The following SNX14 variants were observed in gnomAD, a reference collection of about 807,000 sequenced individuals.
SNX14 encodes the protein sorting nexin 14, also known as sorting nexin-14.
SNX14 carries 93 observed loss-of-function variants against 133.8 expected under a neutral mutation model. The ratio of observed to expected loss-of-function variants is 0.70; its 90% CI spans 0.59 to 0.83. SNX14 has a LOEUF of 0.83. SNX14 is among the 40% of genes least tolerant of loss of function. The pLI, the probability that SNX14 is intolerant of heterozygous loss-of-function variation, is 0.00. For synonymous variants in SNX14, 368 were observed against 365.6 expected (o/e 1.01, Z -0.07); for missense variants, 945 against 1,094.9 (o/e 0.86, Z 1.93).
Position 85,593,564 on chromosome 6 carries a change from G to T in SNX14, c.140+15C>A. 6.2e-7 allele frequency: 1 copy of T among 1,602,372 alleles called. No homozygotes were observed. Among genetic ancestry groups the T allele is most frequent in the Non-Finnish European group, 8.5e-7 (1 of 1,174,950 alleles). ...GGAGAAAAGCCGCCGCCCAGGCTCCGCGCTGCGGCGTTACCTGTTAAGAAG... is the reference window on the plus strand; with the variant it reads ...GGAGAAAAGCCGCCGCCCAGGCTCCTCGCTGCGGCGTTACCTGTTAAGAAG... On this transcript the variant is annotated intron_variant, in intron 1 of 28. Coordinates refer to ENST00000314673, the MANE Select transcript of SNX14 (RefSeq NM_153816.6).
At chr6:85,555,918 G>C (rs1789590244) in intron 7 of SNX14, among the ~76,000 whole-genome samples, 1 of 152,004 alleles carries the variant, frequency 6.6e-6, no homozygotes, top group Admixed American at 6.6e-5. Context: ...AACCTGGGAA[G>C]TGGAGGTTGC....
At chr6:85,537,866 T>A (rs1285897584) in intron 16 of SNX14, among the ~76,000 whole-genome samples, 3 of 152,132 alleles carry the variant, frequency 2.0e-5, no homozygotes, top group Non-Finnish European at 4.4e-5. Context: ...GAAGAATCAC[T>A]TGGACCCGCA....
At chr6:85,580,326 A>G (rs997172102) in intron 1 of SNX14, among the ~76,000 whole-genome samples, 3 of 152,176 alleles carry the variant, frequency 2.0e-5, no homozygotes, top group African/African-American at 7.2e-5. Context: ...GGACTGAATA[A>G]AACAGCAGCA....
At chr6:85,541,916 A>T in intron 15 of SNX14, 69 bp downstream of exon 15, 1 of 1,165,686 alleles carries the variant, frequency 8.6e-7, no homozygotes, top group Non-Finnish European at 1.2e-6. Flanking sequence ...AAAAATAGCT[A>T]ATAAAGACAA....
At position 85,513,500 on chromosome 6, in the gene SNX14, G is replaced by A. The variant is rs78870361; in HGVS notation, c.2653+300C>T. 1.2e-4 allele frequency among the ~76,000 whole-genome samples: 19 copies of A among 152,276 alleles called. No individual in the cohort carries two copies. The East Asian group carries it at 2.1e-3, about 17-fold the overall frequency. On this transcript the variant is annotated intron_variant, in intron 26 of 28. Coordinates refer to ENST00000314673, the MANE Select transcript of SNX14 (RefSeq NM_153816.6). ...ACTAGTGAGCTATTCTTATGGTGTCGTGGACACAGGCCTTCAATTGTCCCA... is the reference window on the plus strand; with the variant it reads ...ACTAGTGAGCTATTCTTATGGTGTCATGGACACAGGCCTTCAATTGTCCCA...
At chr6:85,509,585 C>T (rs757367410) in intron 26 of SNX14, among the ~76,000 whole-genome samples, 2 of 152,124 alleles carry the variant, frequency 1.3e-5, no homozygotes, top group African/African-American at 4.8e-5. Context: ...GAAGAGATTT[C>T]GCATATGTTC....
chr6:85,584,271 C>T (rs779214568), intron 1 of SNX14, among the ~76,000 whole-genome samples: 7 of 152,120 alleles, frequency 4.6e-5, no homozygotes, highest in Admixed American at 2.6e-4. Context: ...AACACTTAAA[C>T]GTAAGACCCA....
chr6:85,534,118 G>A (rs921736961), intron 17 of SNX14, among the ~76,000 whole-genome samples: 4 of 152,120 alleles, frequency 2.6e-5, no homozygotes, highest in Non-Finnish European at 4.4e-5. Flanking sequence ...GACTAGCCTG[G>A]GAAACACAGA....
intron 1 of SNX14, among the ~76,000 whole-genome samples, chr6:85,582,742 T>C (rs201534332): frequency 3.3e-5 from 5 of 152,130 alleles, no homozygotes; most frequent in East Asian, 3.8e-4. Flanking sequence ...AATCCCTGAA[T>C]AGGCCAATAA....
rs772015645 is a variant in SNX14 at position 85,536,819 on chromosome 6, A to T, written c.1581T>A (p.Tyr527Ter). ...TTMEGAMLPNYGVAEGEDDFI... is the reference protein window; with the variant it reads ...TTMEGAMLPN The stretch of plus-strand genomic sequence containing the variant: ...AATCATCTTCACCTTCAGCTACACC[A>T]TAATTAGGCAACATAGCTCCCTCCA... Residue 527 changes from tyrosine to a stop codon, truncating the protein, a stop_gained, in exon 17 of 29, where the codon TAT becomes TAA. Transcript: ENST00000314673. LOFTEE classifies it high-confidence loss of function. The T allele has an allele frequency of 6.2e-7, 1 of 1,612,892 alleles. No homozygotes were observed. Among genetic ancestry groups the T allele is most frequent in the Non-Finnish European group, 8.5e-7 (1 of 1,179,572 alleles).
intron 1 of SNX14, among the ~76,000 whole-genome samples, chr6:85,575,324 G>C (rs1469742316): frequency 6.6e-6 from 1 of 152,168 alleles, no homozygotes; most frequent in Non-Finnish European, 1.5e-5. Flanking sequence ...TTTATTAACT[G>C]TGAGTAACTG....
In SNX14 at chr6:85,506,487, T is replaced by A. The variant is rs1254996173; in HGVS notation, c.2803-482A>T. On this transcript the variant is annotated intron_variant, in intron 28 of 28. Coordinates refer to ENST00000314673, the MANE Select transcript of SNX14 (RefSeq NM_153816.6). ...ACTTGCCACCAAACCGAGATAACTTTTTCTATTTTTAGTAGAGACAGGGTT... is the reference window on the plus strand; with the variant it reads ...ACTTGCCACCAAACCGAGATAACTTATTCTATTTTTAGTAGAGACAGGGTT... Among the ~76,000 whole-genome samples, 3 of 152,116 alleles carry A rather than the reference T, an allele frequency of 2.0e-5. No homozygotes were observed. In the East Asian group the frequency reaches 5.8e-4, roughly 29 times the overall value.
chr6:85,538,042 A>G (rs1782492618), intron 16 of SNX14, among the ~76,000 whole-genome samples: 1 of 152,224 alleles, frequency 6.6e-6, no homozygotes, highest in African/African-American at 2.4e-5. Flanking sequence ...TTGAATGCTT[A>G]AGTGTATAGC....
intron 24 of SNX14, 82 bp downstream of exon 24, chr6:85,514,423 TG>T: frequency 6.6e-7 from 1 of 1,521,434 alleles, no homozygotes. Flanking sequence ...ACAGTTATGA[TG>T]GGGCAATACT....
Position 85,558,043 on chromosome 6 carries a change from A to G in SNX14, c.567T>C (p.Ile189=). The G allele has an allele frequency of 6.4e-7, 1 of 1,556,196 alleles. No homozygotes were observed. The highest frequency in any genetic ancestry group is 8.8e-7 in the Non-Finnish European group (1 of 1,134,080). Residue 189 remains isoleucine, a synonymous_variant, in exon 7 of 29, where the codon ATT becomes ATC. Coordinates refer to ENST00000314673, the MANE Select transcript of SNX14 (RefSeq NM_153816.6). ...RRIHKVDIPS[I]ITKKLLKAAM... ...CTGCTTTTAATAGTTTCTTGGTTAT[A>G]ATAGATGGAATATCCACCTAGAAAA...
At chr6:85,544,349 G>C (rs773250423) in intron 12 of SNX14, among the ~76,000 whole-genome samples, 2 of 151,736 alleles carry the variant, frequency 1.3e-5, no homozygotes, top group South Asian at 2.1e-4. Context: ...GGGGAAAAAA[G>C]GGAGTTAAAA....
chr6:85,563,092 G>C (rs968841811), intron 6 of SNX14, among the ~76,000 whole-genome samples: 1 of 152,014 alleles, frequency 6.6e-6, no homozygotes, highest in Non-Finnish European at 1.5e-5. Context: ...ACTTTCAAGT[G>C]TTCATTGGCC....
rs1770427545 is a variant in SNX14, at chr6:85,505,820, T to C, written c.*147A>G. 1 of 632,660 alleles carries C rather than the reference T, an allele frequency of 1.6e-6. No individual in the cohort carries two copies. The highest frequency in any genetic ancestry group is 2.8e-6 in the Non-Finnish European group (1 of 360,068). The allele number at this position is 632,660 out of a possible 1,614,324, so 39.2% of individuals were successfully genotyped here. A position where few individuals can be genotyped will look rare whatever the true frequency, so the allele number is the denominator to read the frequency against. On this transcript the variant is annotated 3_prime_UTR_variant, in exon 29 of 29. Transcript: ENST00000314673. ...CAATCACTTTTAATCATTAAGTTTGTGTTAGTCTTTATTAAAAACAAAAAA... is the reference window on the plus strand; with the variant it reads ...CAATCACTTTTAATCATTAAGTTTGCGTTAGTCTTTATTAAAAACAAAAAA...
intron 26 of SNX14, among the ~76,000 whole-genome samples, chr6:85,510,602 CA>C: frequency 6.6e-6 from 1 of 152,106 alleles, no homozygotes; most frequent in Non-Finnish European, 1.5e-5. Flanking sequence ...TTTCACAAAG[CA>C]AAATTTTTAA....
Sources: gnomAD v4.1 joint callset for allele counts (sites outside exome capture counted in the v4.1 genomes callset) on GRCh38, gnomAD v4.1.1 for gene constraint, MANE v1.5 for transcripts, NCBI Gene and HGNC (gene_info 2026-07-23, HGNC 2026-07-21) for gene names.